SOX5: variants seen among roughly 807,000 people sequenced by gnomAD.
SOX5 encodes the protein SRY-box transcription factor 5.
A neutral mutation model predicts 92.0 loss-of-function variants in SOX5; 9 were observed. That is an observed-to-expected ratio of 0.10 (90% CI 0.06 to 0.17). The LOEUF is 0.17. Ranked by LOEUF, SOX5 falls within the 10% of genes least tolerant of loss-of-function variation. SOX5 has a pLI of 1.00. For missense variants in SOX5, 642 were observed against 944.5 expected (o/e 0.68, Z 4.20); for synonymous variants, 344 against 336.3 (o/e 1.02, Z -0.25).
chr12:23,700,536 C>A (rs771579012), intron 6 of SOX5, among the ~76,000 whole-genome samples: 1 of 152,036 alleles, frequency 6.6e-6, no homozygotes, highest in African/African-American at 2.4e-5. Context: ...CAAGTAAAGG[C>A]CTCACAATTT....
chr12:23,854,873 T>TA, intron 2 of SOX5, among the ~76,000 whole-genome samples: 1 of 152,122 alleles, frequency 6.6e-6, no homozygotes, highest in East Asian at 1.9e-4. Context: ...GATTATAAGT[T>TA]AAAATATAAT....
chr12:24,499,837 G>A (rs1948024817), intron 1 of SOX5, among the ~76,000 whole-genome samples: 2 of 151,104 alleles, frequency 1.3e-5, no homozygotes, highest in Non-Finnish European at 2.9e-5. Context: ...TTAACTATTG[G>A]AACAGAAAGT....
At chr12:23,849,313 A>G (rs2096606167) in intron 2 of SOX5, among the ~76,000 whole-genome samples, 1 of 152,096 alleles carries the variant, frequency 6.6e-6, no homozygotes, top group Non-Finnish European at 1.5e-5. Flanking sequence ...ATCAGACAGT[A>G]ATTGATAAGA....
At chr12:23,758,422 C>G (rs943307171) in intron 3 of SOX5, among the ~76,000 whole-genome samples, 2 of 150,578 alleles carry the variant, frequency 1.3e-5, no homozygotes, top group Non-Finnish European at 3.0e-5. Flanking sequence ...TCCTAACTCT[C>G]TTATCAACAA....
At chr12:24,536,791 G>C (rs1329948492) in intron 1 of SOX5, among the ~76,000 whole-genome samples, 1 of 152,082 alleles carries the variant, frequency 6.6e-6, no homozygotes, top group African/African-American at 2.4e-5. Context: ...AAAATAAGCA[G>C]CATTCGTAAT....
In SOX5 at chr12:23,785,633, C is replaced by T. The variant is rs564224420; in HGVS notation, c.482-29909G>A. ...TCTAAACTCACTCACTAGGAATGCA[C>T]AAATAAATCAGTTAGATGGACAATA... On this transcript the variant is annotated intron_variant, in intron 3 of 14. Coordinates refer to ENST00000451604, the MANE Select transcript of SOX5 (RefSeq NM_006940.6). Among the ~76,000 whole-genome samples the T allele has an allele frequency of 2.0e-5, 3 of 152,152 alleles. No homozygotes were observed. In the East Asian group the frequency reaches 5.8e-4, roughly 29 times the overall value.
chr12:23,599,548 C>T (rs1953089675), intron 9 of SOX5, among the ~76,000 whole-genome samples: 1 of 152,202 alleles, frequency 6.6e-6, no homozygotes, highest in African/African-American at 2.4e-5. Context: ...TTTAAACTGA[C>T]TGTTCTTGGC....
rs188931311 is a variant in SOX5 at position 23,967,392 on chromosome 12, A to C, written c.-1-71368T>G. Among the ~76,000 whole-genome samples, 4 of 152,204 alleles carry C rather than the reference A, an allele frequency of 2.6e-5. No individual in the cohort carries two copies. The East Asian group carries it at 7.7e-4, about 29-fold the overall frequency. On this transcript the variant is annotated intron_variant, in intron 4 of 4. Transcript: ENST00000446891. ...AAATAGAAAATATAAAAAGTAACTA[A>C]ATATGCAAAATATTTTAAGTTATTT...
intron 1 of SOX5, among the ~76,000 whole-genome samples, chr12:23,936,033 G>A (rs1448716203): frequency 6.6e-6 from 1 of 151,000 alleles, no homozygotes; most frequent in Non-Finnish European, 1.5e-5. Context: ...AAAAAAATAA[G>A]ATTGTTGTGA....
At chr12:23,697,077 T>G (rs2089981714) in intron 6 of SOX5, among the ~76,000 whole-genome samples, 1 of 152,218 alleles carries the variant, frequency 6.6e-6, no homozygotes, top group Non-Finnish European at 1.5e-5. Flanking sequence ...TTGGGTTCTA[T>G]AAATGTAAAT....
At chr12:24,298,844 A>C (rs1947618037) in intron 2 of SOX5, among the ~76,000 whole-genome samples, 1 of 144,854 alleles carries the variant, frequency 6.9e-6, no homozygotes, top group African/African-American at 2.5e-5. Flanking sequence ...TTGGAAGGTT[A>C]AATTTTTTAA....
intron 2 of SOX5, 132 bp downstream of exon 2, chr12:23,895,661 C>A: frequency 1.5e-6 from 1 of 668,044 alleles, no homozygotes; most frequent in Non-Finnish European, 2.7e-6. Context: ...AATTCTAAGA[C>A]GCCAGGGGTG....
intron 2 of SOX5, among the ~76,000 whole-genome samples, chr12:24,353,653 T>C (rs1401065574): frequency 6.6e-6 from 1 of 152,056 alleles, no homozygotes; most frequent in Admixed American, 6.6e-5. Flanking sequence ...TTCTTTTTTT[T>C]TTAGGGGGAT....
At chr12:23,933,298 G>C (rs759724155) in intron 1 of SOX5, among the ~76,000 whole-genome samples, 30 of 151,554 alleles carry the variant, frequency 2.0e-4, no homozygotes, top group Non-Finnish European at 4.1e-4. Flanking sequence ...TCAATTATCA[G>C]ATGGAAAAAA....
At chr12:23,809,619 T>TAA (rs11390865) in intron 3 of SOX5, among the ~76,000 whole-genome samples, 21,488 of 148,406 alleles carry the variant, frequency 0.14, 1,550 homozygotes, top group South Asian at 0.22. Context: ...ACTTTTTTAT[T>TAA]AAAAAAAAAA....
intron 1 of SOX5, among the ~76,000 whole-genome samples, chr12:24,394,079 A>G (rs994422191): frequency 7.9e-5 from 12 of 152,118 alleles, no homozygotes; most frequent in African/African-American, 9.7e-5. Context: ...GCCTGGGTCT[A>G]TTTCAGGCAT....
chr12:24,142,501 T>G (rs997023895), intron 4 of SOX5, among the ~76,000 whole-genome samples: 2 of 152,002 alleles, frequency 1.3e-5, no homozygotes, highest in Non-Finnish European at 2.9e-5. Context: ...ATTTGTGGGG[T>G]GGACATTTTA....
In SOX5 at chr12:23,791,581, C is replaced by T. The variant is rs188947190; in HGVS notation, c.482-35857G>A. On this transcript the variant is annotated intron_variant, in intron 3 of 14. Transcript: ENST00000451604. ...ATAATGTACTATGGAAATTTCATTG[C>T]CAAGTTCCTTATCCACAACCTGCAT... 6.6e-4 allele frequency among the ~76,000 whole-genome samples: 101 copies of T among 152,206 alleles called. No individual in the cohort carries two copies. In the South Asian group the frequency reaches 7.3e-3, roughly 11 times the overall value.
intron 2 of SOX5, among the ~76,000 whole-genome samples, chr12:24,301,727 G>A (rs1288380242): frequency 6.6e-6 from 1 of 152,142 alleles, no homozygotes; most frequent in Non-Finnish European, 1.5e-5. Flanking sequence ...GTGCGCACAC[G>A]TAAATTTGTA....
Sources: allele counts gnomAD v4.1 joint callset (sites outside exome capture counted in the v4.1 genomes callset), GRCh38; gene constraint gnomAD v4.1.1; transcripts MANE v1.5; gene names NCBI Gene and HGNC (gene_info 2026-07-23, HGNC 2026-07-21).